Variants in DOCK8 observed in about 807,000 individuals in gnomAD.
The protein encoded by DOCK8 is dedicator of cytokinesis 8.
DOCK8 carries 141 observed loss-of-function variants against 245.6 expected under a neutral mutation model. The ratio of observed to expected loss-of-function variants is 0.57; its 90% confidence interval spans 0.50 to 0.66. The LOEUF (loss-of-function observed/expected upper bound fraction) is 0.66, where lower values mean the gene tolerates loss of function less well. DOCK8 is among the 30% of genes least tolerant of loss of function. The probability of loss-of-function intolerance (pLI) is 0.00; values close to 1 mark genes in which losing one functional copy is unlikely to be tolerated. For missense variants in DOCK8, 2,965 were observed against 2,603.4 expected, an observed-to-expected ratio of 1.14 and a Z score of -3.02; for synonymous variants, 1,168 against 970.2, an observed-to-expected ratio of 1.20 and a Z score of -3.79.
chr9:419,633 C>T (rs1029400780), intron 30 of DOCK8, among the ~76,000 whole-genome samples: 1 of 152,232 alleles, frequency 6.6e-6, no homozygotes, highest in Non-Finnish European at 1.5e-5. Context: ...ACAAATTCCT[C>T]ATTGCAATTT....
upstream of DOCK8, chr9:214,736 C>T (rs1377164715): frequency 3.9e-6 from 6 of 1,520,424 alleles, no homozygotes; most frequent in Non-Finnish European, 2.6e-6. Context: ...GGCCCACGCC[C>T]TCCTCGCCCG....
rs1363044542 is a variant in DOCK8 at position 289,507 on chromosome 9, T to G, written c.333-3T>G. The stretch of plus-strand genomic sequence containing the variant: ...GTGTTTATTTCATTTTCTACCTCAT[T>G]AGGGTTGAACTGGACCCTCATGTCA... On this transcript the variant is annotated splice_polypyrimidine_tract_variant and splice_region_variant and intron_variant, in intron 3 of 47. Coordinates refer to ENST00000432829, the MANE Select transcript of DOCK8 (RefSeq NM_203447.4). 1.9e-6 allele frequency: 3 copies of G among 1,612,834 alleles called. No homozygotes were observed. The highest frequency in any genetic ancestry group is 1.3e-5 in the African/African-American group (1 of 74,888).
At chr9:405,663 G>C (rs1434911022) in intron 27 of DOCK8, among the ~76,000 whole-genome samples, 5 of 152,104 alleles carry the variant, frequency 3.3e-5, no homozygotes, top group Non-Finnish European at 7.4e-5. Flanking sequence ...TCCATTTATA[G>C]GGAACACATC....
chr9:281,796 A>G (rs968901271), intron 2 of DOCK8, among the ~76,000 whole-genome samples: 1 of 152,252 alleles, frequency 6.6e-6, no homozygotes, highest in Non-Finnish European at 1.5e-5. Flanking sequence ...CCTAGTTAAC[A>G]GTAGTTAGGG....
intron 12 of DOCK8, among the ~76,000 whole-genome samples, chr9:338,170 AAG>A (rs2051407665): frequency 6.6e-6 from 1 of 151,926 alleles, no homozygotes. Context: ...GAAAAAAAAA[AAG>A]AGGTAATATG....
At chr9:385,870 C>T (rs957884762) in intron 22 of DOCK8, among the ~76,000 whole-genome samples, 6 of 152,012 alleles carry the variant, frequency 3.9e-5, no homozygotes, top group South Asian at 4.2e-4. Flanking sequence ...TAGCAATTTT[C>T]GAATTATTTT....
At chr9:423,687 G>A (rs2131664812) in intron 33 of DOCK8, among the ~76,000 whole-genome samples, 1 of 152,286 alleles carries the variant, frequency 6.6e-6, no homozygotes, top group South Asian at 2.1e-4. Flanking sequence ...CTTTGGGTAT[G>A]TTATTCTTGC....
intron 14 of DOCK8, among the ~76,000 whole-genome samples, chr9:361,029 G>T (rs191404217): frequency 3.3e-5 from 5 of 152,268 alleles, no homozygotes; most frequent in African/African-American, 9.6e-5. Context: ...GCCAGGCATT[G>T]TGGTGCCTTG....
At chr9:452,139 A>AATTTC in intron 46 of DOCK8, 22 bp downstream of exon 46, 1 of 1,501,600 alleles carries the variant, frequency 6.7e-7, no homozygotes, top group Non-Finnish European at 9.3e-7. Flanking sequence ...AATGGCTGGG[A>AATTTC]ATTTCAGTAG....
At chr9:280,508 A>T (rs1441341921) in intron 2 of DOCK8, among the ~76,000 whole-genome samples, 1 of 152,188 alleles carries the variant, frequency 6.6e-6, no homozygotes, top group Non-Finnish European at 1.5e-5. Context: ...GCAGATAGTC[A>T]GGAAGGAAAT....
chr9:400,949 A>ACCACCACCACCACCACCTCCT (rs1306867590), intron 26 of DOCK8, among the ~76,000 whole-genome samples: 16 of 113,440 alleles, frequency 1.4e-4, no homozygotes, highest in Non-Finnish European at 1.9e-4. Flanking sequence ...CACCACCATC[A>ACCACCACCACCACCACCTCCT]CCACCACCAC....
At chr9:238,423 G>T (rs1306715254) in intron 1 of DOCK8, among the ~76,000 whole-genome samples, 1 of 152,096 alleles carries the variant, frequency 6.6e-6, no homozygotes, top group Non-Finnish European at 1.5e-5. Context: ...TTCCACACTT[G>T]GTAGATACTC....
chr9:214,487 C>A, upstream of DOCK8: 1 of 1,606,140 alleles, frequency 6.2e-7, no homozygotes, highest in South Asian at 1.1e-5. Context: ...AGAATGGTGT[C>A]AACCCTTAAT....
chr9:386,747 T>C (rs186347779), intron 23 of DOCK8, among the ~76,000 whole-genome samples: 281 of 151,744 alleles, frequency 1.9e-3, no homozygotes, highest in African/African-American at 6.6e-3. Flanking sequence ...TTTGCATTTC[T>C]AACAAGTTCC....
Position 370,293 on chromosome 9 carries a change from C to T in DOCK8, c.1861C>T (p.His621Tyr). The change falls in exon 16 of 48, where the codon CAT becomes TAT. Residue 621 changes from histidine to tyrosine, a missense_variant. Physicochemically the swap from His to Tyr is moderately conservative, Grantham distance 83. This residue lies in a region of DOCK8 where 2,825 missense variants were observed against 2,453.5 expected (regional missense o/e 1.15). Transcript: ENST00000432829. ...LQEVYTAVTY[H>Y]NKSPDFYEEV... ...GGAAGTGTACACAGCTGTTACATACCATAATAAGTAAGTCTATTTCAGCAT... is the reference window on the plus strand; with the variant it reads ...GGAAGTGTACACAGCTGTTACATACTATAATAAGTAAGTCTATTTCAGCAT... The T allele has an allele frequency of 6.2e-7, 1 of 1,613,794 alleles. No individual in the cohort carries two copies. The highest frequency in any genetic ancestry group is 8.5e-7 in the Non-Finnish European group (1 of 1,179,710).
At chr9:216,537 C>A (rs200616302) in intron 1 of DOCK8, among the ~76,000 whole-genome samples, 623 of 88,718 alleles carry the variant, frequency 7.0e-3, no homozygotes, top group East Asian at 9.4e-3. Context: ...AAAAAACAGA[C>A]AAAAAAAAAA....
chr9:230,274 G>A (rs1308301053), intron 1 of DOCK8, among the ~76,000 whole-genome samples: 3 of 147,848 alleles, frequency 2.0e-5, no homozygotes, highest in Non-Finnish European at 4.4e-5. Context: ...CGGTGTATAT[G>A]TGCCACATTT....
intron 2 of DOCK8, among the ~76,000 whole-genome samples, chr9:277,312 C>T (rs1422786152): frequency 1.3e-5 from 2 of 151,974 alleles, no homozygotes; most frequent in South Asian, 4.2e-4. Context: ...TTAGTCCCAG[C>T]TACTTGCGAG....
At chr9:289,834 A>G (rs2048966501) in intron 4 of DOCK8, among the ~76,000 whole-genome samples, 1 of 152,152 alleles carries the variant, frequency 6.6e-6, no homozygotes, top group Non-Finnish European at 1.5e-5. Context: ...TTAACTAAAG[A>G]CCATAGTTTA....
Sources: gnomAD v4.1 joint callset for allele counts (sites outside exome capture counted in the v4.1 genomes callset) on GRCh38, gnomAD v4.1.1 for gene constraint, gnomAD v4.1.1 regional missense constraint, MANE v1.5 for transcripts, NCBI Gene and HGNC (gene_info 2026-07-23, HGNC 2026-07-21) for gene names.